WDPCP: variants seen among roughly 807,000 people sequenced by gnomAD.
The protein encoded by WDPCP is WD repeat containing planar cell polarity effector, also known as WD repeat-containing and planar cell polarity effector protein fritz homolog.
WDPCP carries 71 observed loss-of-function variants against 93.1 expected under a neutral mutation model. That is an observed-to-expected ratio of 0.76 (90% CI 0.63 to 0.93). The LOEUF is 0.93. WDPCP is among the 40% of genes least tolerant of loss of function. The pLI is 0.00. For missense variants in WDPCP, 844 were observed against 887.4 expected, an observed-to-expected ratio of 0.95 and a Z score of 0.62; for synonymous variants, 315 against 315.0, an observed-to-expected ratio of 1.00 and a Z score of 0.00.
chr2:63,540,309 A>C (rs991476823), intron 1 of WDPCP, among the ~76,000 whole-genome samples: 4 of 152,232 alleles, frequency 2.6e-5, no homozygotes, highest in African/African-American at 9.6e-5. Flanking sequence ...CAATTATTCT[A>C]ATGAATTAAG....
At position 63,728,879 on chromosome 2, in the gene WDPCP, T is replaced by G. The variant is rs376657717; in HGVS notation, n.309-78041A>C. On this transcript the variant is annotated intron_variant and non_coding_transcript_variant, in intron 2 of 4. Transcript: ENST00000467687. ...TGGGAAGTTAAAATAAACTCATTCTTCATCTAACTATTCATCCAATCGCTA... is the reference window on the plus strand; with the variant it reads ...TGGGAAGTTAAAATAAACTCATTCTGCATCTAACTATTCATCCAATCGCTA... 3.3e-5 allele frequency among the ~76,000 whole-genome samples: 5 copies of G among 152,306 alleles called. No individual in the cohort carries two copies. In the South Asian group the frequency reaches 8.3e-4, roughly 25 times the overall value.
At chr2:63,267,408 C>T (rs1322323557) in intron 13 of WDPCP, among the ~76,000 whole-genome samples, 1 of 151,898 alleles carries the variant, frequency 6.6e-6, no homozygotes, top group Non-Finnish European at 1.5e-5. Flanking sequence ...GGGAAAAACT[C>T]CTCAACATTT....
chr2:63,623,653 T>G (rs1012933309), intron 3 of WDPCP, among the ~76,000 whole-genome samples: 1 of 152,140 alleles, frequency 6.6e-6, no homozygotes, highest in Non-Finnish European at 1.5e-5. Context: ...TAAATATACA[T>G]GAACCCAATA....
Position 63,489,147 on chromosome 2 carries a change from T to A in WDPCP, c.161-1653A>T, listed in dbSNP as rs977850965. The stretch of plus-strand genomic sequence containing the variant: ...TCCCACATGGGGTGAGAAGGGTATC[T>A]ATACAGGGAAGGAGTAGCCACAGAG... On this transcript the variant is annotated intron_variant, in intron 2 of 17. Transcript: ENST00000272321. Among the ~76,000 whole-genome samples, 9 of 152,128 alleles carry A rather than the reference T, an allele frequency of 5.9e-5. No individual in the cohort carries two copies. In the South Asian group the frequency reaches 1.9e-3, roughly 31 times the overall value.
Position 63,120,825 on chromosome 2 carries a change from T to C in WDPCP, c.*1181A>G, listed in dbSNP as rs746646544. Among the ~76,000 whole-genome samples the C allele has an allele frequency of 7.2e-5, 11 of 152,012 alleles. No individual in the cohort carries two copies. Among genetic ancestry groups the C allele is most frequent in the African/African-American group, 1.4e-4 (6 of 41,402 alleles). Reference sequence around the variant, plus strand: ...CTGGGATTACAGGCGTGAGCCACCGTGCCTGGCCTATAGATGTCTATAATT... The same window carrying C: ...CTGGGATTACAGGCGTGAGCCACCGCGCCTGGCCTATAGATGTCTATAATT... On this transcript the variant is annotated 3_prime_UTR_variant, in exon 18 of 18. Transcript: ENST00000272321.
At chr2:63,189,463 T>C (rs1475349708) in intron 14 of WDPCP, among the ~76,000 whole-genome samples, 2 of 152,332 alleles carry the variant, frequency 1.3e-5, no homozygotes. Context: ...TTTATGTATA[T>C]GTTACAGGTG....
intron 14 of WDPCP, among the ~76,000 whole-genome samples, chr2:63,196,136 C>T (rs1343140763): frequency 6.6e-6 from 1 of 152,152 alleles, no homozygotes; most frequent in Non-Finnish European, 1.5e-5. Context: ...ATACCAGAAA[C>T]CTTGAATAAC....
At chr2:63,375,762 T>C (rs932172) in intron 12 of WDPCP, among the ~76,000 whole-genome samples, 121,317 of 151,776 alleles carry the variant, frequency 0.8, 49,316 homozygotes, top group East Asian at 0.96. Context: ...AAATTCATAC[T>C]ATGACCTTAC....
chr2:63,506,074 T>G (rs1701850222), intron 1 of WDPCP, among the ~76,000 whole-genome samples: 5 of 152,108 alleles, frequency 3.3e-5, no homozygotes, highest in African/African-American at 1.2e-4. Flanking sequence ...TGAAACTTCC[T>G]TAAAGAAAAT....
chr2:63,678,622 C>T (rs533183697), intron 2 of WDPCP, among the ~76,000 whole-genome samples: 10 of 152,294 alleles, frequency 6.6e-5, no homozygotes, highest in Admixed American at 2.0e-4. Flanking sequence ...AATTACTTTT[C>T]CCAACTAGGT....
At chr2:63,153,102 T>C (rs1671992259) in intron 16 of WDPCP, 157 bp from the exon 17 acceptor site, 4 of 646,488 alleles carry the variant, frequency 6.2e-6, no homozygotes, top group African/African-American at 1.8e-5. Context: ...TAACATAGTA[T>C]GAAAGTGCCA....
chr2:63,394,912 G>A (rs1208670360), intron 10 of WDPCP, among the ~76,000 whole-genome samples: 3 of 152,096 alleles, frequency 2.0e-5, no homozygotes. Context: ...AGGATGGTAA[G>A]GATCGAAAAA....
At chr2:63,334,463 T>A (rs1688209485) in intron 12 of WDPCP, among the ~76,000 whole-genome samples, 1 of 152,062 alleles carries the variant, frequency 6.6e-6, no homozygotes, top group African/African-American at 2.4e-5. Context: ...GAAGCAAAGG[T>A]GGGACAACTG....
At chr2:63,509,838 G>T (rs1453740959) in intron 1 of WDPCP, among the ~76,000 whole-genome samples, 1 of 152,104 alleles carries the variant, frequency 6.6e-6, no homozygotes, top group Non-Finnish European at 1.5e-5. Flanking sequence ...TAGAAGAAAT[G>T]GATAAATTCC....
chr2:63,622,222 T>C, intron 3 of WDPCP: 3 of 1,607,530 alleles, frequency 1.9e-6, no homozygotes, highest in Non-Finnish European at 2.5e-6. Context: ...GCCGCCTTGC[T>C]GGCGAGGTCC....
chr2:63,426,351 C>A (rs1424968858), intron 9 of WDPCP, among the ~76,000 whole-genome samples: 4 of 151,556 alleles, frequency 2.6e-5, no homozygotes, highest in Non-Finnish European at 5.9e-5. Context: ...CAAAAAAAAA[C>A]AAAACAAAAC....
chr2:63,695,704 T>C (rs1034146644), intron 2 of WDPCP, among the ~76,000 whole-genome samples: 6 of 152,122 alleles, frequency 3.9e-5, no homozygotes, highest in African/African-American at 1.2e-4. Context: ...CTTTCACAAA[T>C]TGAACACACC....
At chr2:63,497,795 A>G (rs945246817) in intron 1 of WDPCP, among the ~76,000 whole-genome samples, 5 of 152,252 alleles carry the variant, frequency 3.3e-5, no homozygotes, top group Non-Finnish European at 5.9e-5. Flanking sequence ...CTGAGCTTGT[A>G]TTATTCAAAT....
At chr2:63,762,111 T>TG (rs1670064271) in intron 2 of WDPCP, among the ~76,000 whole-genome samples, 1 of 152,134 alleles carries the variant, frequency 6.6e-6, no homozygotes, top group African/African-American at 2.4e-5. Context: ...TTGCCTTGAG[T>TG]GGGGGCATTA....
Sources: gnomAD v4.1 joint callset for allele counts (sites outside exome capture counted in the v4.1 genomes callset) on GRCh38, gnomAD v4.1.1 for gene constraint, MANE v1.5 for transcripts, NCBI Gene and HGNC (gene_info 2026-07-23, HGNC 2026-07-21) for gene names.